Variants in MBD5 observed in about 807,000 individuals in gnomAD.
MBD5 encodes the protein methyl-CpG binding domain protein 5, also known as methyl-CpG-binding domain protein 5.
A neutral mutation model predicts 117.3 loss-of-function variants in MBD5; 13 were observed. The observed-to-expected ratio is 0.11, with a 90% CI of 0.07 to 0.18. The LOEUF (loss-of-function observed/expected upper bound fraction) is 0.18. MBD5 is among the 10% of genes least tolerant of loss of function. The probability of loss-of-function intolerance (pLI) is 1.00; values close to 1 mark genes in which losing one functional copy is unlikely to be tolerated. For synonymous variants in MBD5, 727 were observed against 766.4 expected (o/e 0.95, Z 0.85); for missense variants, 1,879 against 2,093.8 (o/e 0.90, Z 2.00).
At chr2:148,129,535 T>C (rs994164907) in intron 1 of MBD5, among the ~76,000 whole-genome samples, 3 of 152,068 alleles carry the variant, frequency 2.0e-5, no homozygotes, top group Admixed American at 6.6e-5. Context: ...GACCCAGATA[T>C]ACTCTATCTC....
chr2:148,187,313 C>G lies in MBD5; in HGVS notation c.-831+8520C>G, dbSNP rs557055986. Among the ~76,000 whole-genome samples the G allele has an allele frequency of 2.7e-4, 41 of 151,408 alleles. 1 individual carries two copies. In the South Asian group the frequency reaches 4.8e-3, roughly 18 times the overall value. The stretch of plus-strand genomic sequence containing the variant: ...CCCTCCCCCTTCCTCCATACCCCCC[C>G]CAAAAAAAAAACCCAGCACCTAAGT... On this transcript the variant is annotated intron_variant, in intron 2 of 13. Transcript: ENST00000642680.
chr2:148,474,742 A>G (rs1680905476), intron 8 of MBD5, among the ~76,000 whole-genome samples: 2 of 152,174 alleles, frequency 1.3e-5, no homozygotes, highest in South Asian at 4.1e-4. Flanking sequence ...TTTAACTGCA[A>G]AAGAAAGTTT....
chr2:148,493,879 A>T (rs1045403594), intron 11 of MBD5, among the ~76,000 whole-genome samples: 2 of 152,206 alleles, frequency 1.3e-5, no homozygotes, highest in Non-Finnish European at 2.9e-5. Context: ...ATAAAGAGGC[A>T]TGGGTTTTGG....
chr2:148,055,060 G>T (rs1694819716), intron 1 of MBD5: 1 of 152,146 alleles, frequency 6.6e-6, no homozygotes, highest in South Asian at 2.1e-4. Context: ...ATGCATTCAT[G>T]ATTCTACTTT....
chr2:148,170,050 A>G (rs1186731393), intron 1 of MBD5, among the ~76,000 whole-genome samples: 1 of 151,660 alleles, frequency 6.6e-6, no homozygotes, highest in East Asian at 1.9e-4. Context: ...GGCGCCCACC[A>G]ACACACCTGG....
chr2:148,490,633 G>A (rs779963141), intron 11 of MBD5, 39 bp downstream of exon 11: 1 of 1,610,950 alleles, frequency 6.2e-7, no homozygotes, highest in Non-Finnish European at 8.5e-7. Context: ...ACTAACCTTT[G>A]TTCAGATATC....
intron 3 of MBD5, among the ~76,000 whole-genome samples, chr2:148,282,656 G>A (rs1372326755): frequency 6.6e-6 from 1 of 151,624 alleles, no homozygotes; most frequent in Non-Finnish European, 1.5e-5. Context: ...TGATATACAT[G>A]TTTAATGTAT....
At chr2:148,249,597 A>G (rs969848507) in intron 3 of MBD5, among the ~76,000 whole-genome samples, 8 of 152,226 alleles carry the variant, frequency 5.3e-5, no homozygotes, top group African/African-American at 1.9e-4. Context: ...TATCATGTAG[A>G]TACTGTACTA....
At chr2:148,345,290 C>T (rs72857680) in intron 4 of MBD5, among the ~76,000 whole-genome samples, 40,758 of 146,940 alleles carry the variant, frequency 0.28, 5,863 homozygotes, top group African/African-American at 0.32. Context: ...TGATTCCTAG[C>T]AGTGTTTTGG....
intron 4 of MBD5, among the ~76,000 whole-genome samples, chr2:148,445,499 G>T (rs10221699): frequency 0.27 from 40,611 of 151,014 alleles, 6,491 homozygotes; most frequent in African/African-American, 0.37. Context: ...GTATTCCATG[G>T]TGTATATGTG....
intron 2 of MBD5, among the ~76,000 whole-genome samples, chr2:148,188,520 T>C (rs1698727736): frequency 6.6e-6 from 1 of 151,586 alleles, no homozygotes; most frequent in Non-Finnish European, 1.5e-5. Context: ...ACCCTGTATC[T>C]ACAAAAAATT....
intron 3 of MBD5, among the ~76,000 whole-genome samples, chr2:148,330,117 A>ACACACACACACACACACACACT (rs1247250428): frequency 7.5e-6 from 1 of 133,526 alleles, no homozygotes; most frequent in Admixed American, 8.4e-5. Context: ...ACACACACAC[A>ACACACACACACACACACACACT]CTCTACCTTA....
chr2:148,051,746 T>C (rs1051113655), intron 1 of MBD5, among the ~76,000 whole-genome samples: 1 of 152,066 alleles, frequency 6.6e-6, no homozygotes, highest in African/African-American at 2.4e-5. Flanking sequence ...ATAATAATTC[T>C]TCTAGATTAA....
chr2:148,294,501 G>GTTTTTTGTTTTTTGTTTTTTGTTTTTTT (rs1701589843), intron 3 of MBD5, among the ~76,000 whole-genome samples: 2 of 113,216 alleles, frequency 1.8e-5, no homozygotes, highest in African/African-American at 7.3e-5. Context: ...TGGGATTACA[G>GTTTTTTGTTTTTTGTTTTTTGTTTTTTT]TTTTTTTTTT....
chr2:148,307,607 T>C (rs1408460375), intron 3 of MBD5, among the ~76,000 whole-genome samples: 1 of 152,174 alleles, frequency 6.6e-6, no homozygotes, highest in Non-Finnish European at 1.5e-5. Flanking sequence ...CCCTTTACCT[T>C]TATTATTTCT....
intron 3 of MBD5, among the ~76,000 whole-genome samples, chr2:148,251,697 T>G (rs972796055): frequency 6.6e-6 from 1 of 152,214 alleles, no homozygotes; most frequent in Admixed American, 6.5e-5. Context: ...TTCTGCGTAT[T>G]TAGTTAAATG....
At chr2:148,216,370 C>G (rs1349258203) in intron 2 of MBD5, among the ~76,000 whole-genome samples, 2 of 152,108 alleles carry the variant, frequency 1.3e-5, no homozygotes, top group Non-Finnish European at 2.9e-5. Context: ...CAAGAGCTGT[C>G]TATAATGTAG....
At chr2:148,373,369 G>A (rs1703906733) in intron 4 of MBD5, among the ~76,000 whole-genome samples, 1 of 152,088 alleles carries the variant, frequency 6.6e-6, no homozygotes, top group African/African-American at 2.4e-5. Flanking sequence ...TGAATAACCA[G>A]ATAATGACCT....
intron 1 of MBD5, among the ~76,000 whole-genome samples, chr2:148,149,539 A>G (rs1697579436): frequency 6.6e-6 from 1 of 150,996 alleles, no homozygotes; most frequent in Non-Finnish European, 1.5e-5. Context: ...GGGTTGAACT[A>G]GTTTACAGTC....
Sources: allele counts gnomAD v4.1 joint callset (sites outside exome capture counted in the v4.1 genomes callset), GRCh38; gene constraint gnomAD v4.1.1; transcripts MANE v1.5; gene names NCBI Gene and HGNC (gene_info 2026-07-23, HGNC 2026-07-21).